Variants in LIN9 observed in about 807,000 individuals in gnomAD.
LIN9 encodes protein lin-9 homolog.
A neutral mutation model predicts 78.0 loss-of-function variants in LIN9; 18 were observed. The observed-to-expected ratio is 0.23, with a 90% CI of 0.16 to 0.34. The LOEUF is 0.34. Among genes scored for constraint, LIN9 ranks in the 10% least tolerant of loss-of-function variants. The pLI, the probability that LIN9 is intolerant of heterozygous loss-of-function variation, is 1.00. For missense variants in LIN9, 451 were observed against 644.1 expected (o/e 0.70, Z 3.25); for synonymous variants, 192 against 215.2 (o/e 0.89, Z 0.94).
At chr1:226,253,169 G>A (rs989843759) in intron 10 of LIN9, among the ~76,000 whole-genome samples, 3 of 151,242 alleles carry the variant, frequency 2.0e-5, no homozygotes, top group Non-Finnish European at 2.9e-5. Flanking sequence ...AGGCTGAGGC[G>A]GGAGGATTGC....
upstream of LIN9, chr1:226,309,548 G>C (rs1663169111): frequency 1.7e-6 from 2 of 1,181,036 alleles, no homozygotes; most frequent in African/African-American, 1.6e-5. Flanking sequence ...ACGGGAGGGA[G>C]GCCCCGGCGG....
At chr1:226,256,702 G>A (rs1320501916) in intron 10 of LIN9, among the ~76,000 whole-genome samples, 2 of 149,348 alleles carry the variant, frequency 1.3e-5, no homozygotes, top group Non-Finnish European at 3.0e-5. Context: ...GGGACTACAG[G>A]CGCCCACCAC....
chr1:226,237,295 A>T (rs767368337), intron 12 of LIN9, among the ~76,000 whole-genome samples: 39 of 152,314 alleles, frequency 2.6e-4, no homozygotes, highest in Non-Finnish European at 5.1e-4. Flanking sequence ...GCATATTGTT[A>T]TGTGGATGAC....
Position 226,231,918 on chromosome 1 carries a change from G to C in LIN9, c.*583C>G. ...ATTTATTATTATAAAATGATCTACA[G>C]AACCATGTCACATTGCAAGTATATA... On this transcript the variant is annotated 3_prime_UTR_variant, in exon 15 of 15. Transcript: ENST00000681046. The C allele has an allele frequency of 2.7e-6, 1 of 377,224 alleles. No homozygotes were observed. Among genetic ancestry groups the C allele is most frequent in the Non-Finnish European group, 4.7e-6 (1 of 214,096 alleles). 23.4% of individuals were successfully genotyped at this position (377,224 alleles called of 1,614,324 possible). A position where few individuals can be genotyped will look rare whatever the true frequency, so the allele number is the denominator to read the frequency against.
At chr1:226,296,477 T>C (rs899097331) in intron 3 of LIN9, among the ~76,000 whole-genome samples, 3 of 152,186 alleles carry the variant, frequency 2.0e-5, no homozygotes, top group Non-Finnish European at 4.4e-5. Context: ...TAATTACCCA[T>C]AGAACTAAAA....
At chr1:226,277,081 A>C (rs1033355665) in intron 7 of LIN9, among the ~76,000 whole-genome samples, 6 of 151,994 alleles carry the variant, frequency 3.9e-5, no homozygotes, top group African/African-American at 1.4e-4. Flanking sequence ...GTGGTGATTC[A>C]TGCCTGTAAT....
chr1:226,258,894 CAAAAA>C (rs770169450), intron 10 of LIN9, among the ~76,000 whole-genome samples: 1 of 54,776 alleles, frequency 1.8e-5, no homozygotes, highest in Non-Finnish European at 3.1e-5. Context: ...TCTGTCTCAA[CAAAAA>C]AAAAAAAAAA....
chr1:226,288,223 C>T (rs1327143475), intron 4 of LIN9, among the ~76,000 whole-genome samples: 1 of 152,184 alleles, frequency 6.6e-6, no homozygotes, highest in African/African-American at 2.4e-5. Context: ...CTGCCTGCCT[C>T]AGCCTCCCAA....
intron 10 of LIN9, among the ~76,000 whole-genome samples, chr1:226,254,456 T>G (rs1244467138): frequency 6.6e-6 from 1 of 151,992 alleles, no homozygotes; most frequent in Non-Finnish European, 1.5e-5. Context: ...AAAATAATAG[T>G]GGAAGTAGTA....
At chr1:226,243,695 C>CA (rs532381607) in intron 11 of LIN9, among the ~76,000 whole-genome samples, 1,771 of 34,220 alleles carry the variant, frequency 0.052, 150 homozygotes, top group African/African-American at 0.1. Context: ...GACTCCGTCT[C>CA]AAAAAAAAAA....
At chr1:226,263,374 G>T (rs187882447) in intron 10 of LIN9, among the ~76,000 whole-genome samples, 1 of 152,262 alleles carries the variant, frequency 6.6e-6, no homozygotes, top group Admixed American at 6.5e-5. Flanking sequence ...CATGTGTGGG[G>T]TCAGGAAGTA....
intron 11 of LIN9, among the ~76,000 whole-genome samples, chr1:226,242,453 G>A (rs1658175222): frequency 6.6e-6 from 1 of 152,070 alleles, no homozygotes; most frequent in Non-Finnish European, 1.5e-5. Flanking sequence ...TGTACTGAAG[G>A]TCTAAATATT....
At chr1:226,287,207 C>T (rs1228771547) in intron 5 of LIN9, among the ~76,000 whole-genome samples, 1 of 152,184 alleles carries the variant, frequency 6.6e-6, no homozygotes, top group South Asian at 2.1e-4. Context: ...TCTCATACTA[C>T]GTCATACTTA....
chr1:226,267,022 C>T (rs879363878), intron 8 of LIN9, among the ~76,000 whole-genome samples: 30 of 151,752 alleles, frequency 2.0e-4, no homozygotes, highest in Non-Finnish European at 3.8e-4. Context: ...TCAGGTGATC[C>T]GCCCATCTCA....
At position 226,265,653 on chromosome 1, in the gene LIN9, ATTAT is replaced by A. The variant is rs755805107; in HGVS notation, c.937-23_937-20del. ...CATTATCCTATGGGAATAAAAAGGA[ATTAT>A]TTAATCATTGACTATTCAGAGGAAG... On this transcript the variant is annotated intron_variant, in intron 9 of 14. Coordinates refer to ENST00000681046, the MANE Select transcript of LIN9 (RefSeq NM_001366245.2). The surrounding 1 kb of genome is among the most constrained non-coding windows in gnomAD (Gnocchi z 4.1). The A allele has an allele frequency of 2.3e-6, 3 of 1,309,576 alleles. No homozygotes were observed. Among genetic ancestry groups the A allele is most frequent in the Non-Finnish European group, 3.3e-6 (3 of 910,580 alleles). 81.1% of individuals were successfully genotyped at this position (1,309,576 alleles called of 1,614,324 possible).
chr1:226,270,735 T>G (rs1660214090), intron 7 of LIN9, among the ~76,000 whole-genome samples: 1 of 145,258 alleles, frequency 6.9e-6, no homozygotes. Context: ...GAGGATTGCT[T>G]GAGCCCAAGA....
At chr1:226,250,817 A>G (rs1402380858) in intron 11 of LIN9, 22 bp downstream of exon 11, 5 of 1,252,446 alleles carry the variant, frequency 4.0e-6, no homozygotes, top group African/African-American at 3.0e-5. Context: ...GCAAATGAAG[A>G]AAAAAAAAGA....
At chr1:226,309,420 C>T (rs1576373329), upstream of LIN9, 1 of 997,472 alleles carries the variant, frequency 1.0e-6, no homozygotes. Flanking sequence ...GGCCCGGCGC[C>T]GGAGCGCGGG....
intron 12 of LIN9, 89 bp downstream of exon 12, chr1:226,238,882 T>G (rs1657915090): frequency 7.6e-7 from 1 of 1,317,538 alleles, no homozygotes; most frequent in Non-Finnish European, 1.1e-6. Context: ...TATGAAGATA[T>G]TGGCTTGGTA....
Sources: gnomAD v4.1 joint callset for allele counts (sites outside exome capture counted in the v4.1 genomes callset) on GRCh38, gnomAD v4.1.1 for gene constraint, Gnocchi (gnomAD v3.1) non-coding constraint, MANE v1.5 for transcripts, NCBI Gene and HGNC (gene_info 2026-07-23, HGNC 2026-07-21) for gene names.